NAA30: variants seen among roughly 807,000 people sequenced by gnomAD.
The protein encoded by NAA30 is N-alpha-acetyltransferase 30, NatC catalytic subunit.
Under a neutral mutation model 31.4 loss-of-function variants are expected in NAA30, and 5 were observed. That is an observed-to-expected ratio of 0.16 (90% CI 0.08 to 0.33). The LOEUF is 0.33. Among genes scored for constraint, NAA30 ranks in the 10% least tolerant of loss-of-function variants. The pLI, the probability that NAA30 is intolerant of heterozygous loss-of-function variation, is 1.00. For synonymous variants in NAA30, 222 were observed against 207.1 expected, an observed-to-expected ratio of 1.07 and a Z score of -0.62; for missense variants, 428 against 490.8, an observed-to-expected ratio of 0.87 and a Z score of 1.21.
intron 3 of NAA30, among the ~76,000 whole-genome samples, chr14:57,398,628 AT>A (rs913012637): frequency 9.7e-5 from 9 of 92,520 alleles, no homozygotes; most frequent in Admixed American, 4.8e-4. Context: ...CAGCTGATTT[AT>A]TTTTTTTATT....
chr14:57,402,463 ATCCC>A (rs1269310375), intron 4 of NAA30, among the ~76,000 whole-genome samples: 1 of 151,806 alleles, frequency 6.6e-6, no homozygotes, highest in Non-Finnish European at 1.5e-5. Flanking sequence ...GATGTTTGTA[ATCCC>A]TCTCTCTCTT....
At chr14:57,396,722 A>ATTCT (rs780207763) in intron 2 of NAA30, 30 bp from the exon 3 acceptor site, 2 of 1,612,724 alleles carry the variant, frequency 1.2e-6, no homozygotes, top group South Asian at 2.2e-5. Context: ...ATGGCAATGT[A>ATTCT]TTCTTCATAA....
At chr14:57,395,431 T>C (rs2066446658) in intron 2 of NAA30, among the ~76,000 whole-genome samples, 1 of 152,248 alleles carries the variant, frequency 6.6e-6, no homozygotes, top group Admixed American at 6.5e-5. Flanking sequence ...ATTTCTGCTT[T>C]TGTTGAAATA....
chr14:57,391,810 CAGTGGATATCTCCTGCTGCGTATCAT>C lies in NAA30; in HGVS notation c.771+86_771+111del. The C allele has an allele frequency of 9.6e-7, 1 of 1,040,442 alleles. No individual in the cohort carries two copies. The highest frequency in any genetic ancestry group is 2.4e-5 in the East Asian group (1 of 41,892). The allele number at this position is 1,040,442 out of a possible 1,614,324, so 64.5% of individuals were successfully genotyped here. The stretch of plus-strand genomic sequence containing the variant: ...CAGGGAGTGAGGGCCCAGAATGTGG[CAGTGGATATCTCCTGCTGCGTATCAT>C]AGTACGTTATATGATGTCAAGTGCT... On this transcript the variant is annotated intron_variant, in intron 2 of 4. Transcript: ENST00000556492. This position sits in a 1 kb window ranked among gnomAD's most constrained non-coding sequence, Gnocchi z 4.1.
intron 4 of NAA30, among the ~76,000 whole-genome samples, chr14:57,404,459 G>A (rs181543865): frequency 2.0e-5 from 3 of 152,224 alleles, no homozygotes; most frequent in African/African-American, 4.8e-5. Context: ...TGAAAATCAC[G>A]TCATCTAATT....
At chr14:57,409,093 A>AAAT (rs1160849518) in intron 4 of NAA30, among the ~76,000 whole-genome samples, 1 of 152,144 alleles carries the variant, frequency 6.6e-6, no homozygotes, top group Non-Finnish European at 1.5e-5. Flanking sequence ...CCCCACAGGG[A>AAAT]AATAATTAAT....
intron 2 of NAA30, among the ~76,000 whole-genome samples, chr14:57,394,849 A>G (rs1322782166): frequency 6.6e-6 from 1 of 152,122 alleles, no homozygotes; most frequent in Non-Finnish European, 1.5e-5. Context: ...AGGTGTAGCT[A>G]TTCTGAGGTT....
At chr14:57,398,837 A>G (rs145663190) in intron 3 of NAA30, among the ~76,000 whole-genome samples, 1 of 152,060 alleles carries the variant, frequency 6.6e-6, no homozygotes, top group African/African-American at 2.4e-5. Context: ...GGGTTTCGTC[A>G]TGTTGGCCAG....
At chr14:57,399,143 G>A (rs1012356737) in intron 3 of NAA30, among the ~76,000 whole-genome samples, 27 of 152,348 alleles carry the variant, frequency 1.8e-4, no homozygotes, top group African/African-American at 6.0e-4. Flanking sequence ...GATTACAGGC[G>A]TGAACCACTG....
Position 57,409,417 on chromosome 14 carries a change from G to A in NAA30, c.990G>A (p.Leu330=), listed in dbSNP as rs1196526704. The A allele has an allele frequency of 1.9e-6, 3 of 1,610,182 alleles. No individual in the cohort carries two copies. The South Asian group carries it at 3.3e-5, about 18-fold the overall frequency. ...LETEITNKSA[L]KLYENLGFVR... ...CCGAAATAACAAATAAGTCCGCTTTGAAACTTTATGAAAATCTTGGTTTTG... is the reference window on the plus strand; with the variant it reads ...CCGAAATAACAAATAAGTCCGCTTTAAAACTTTATGAAAATCTTGGTTTTG... Residue 330 remains leucine, a synonymous_variant, in exon 5 of 5, where the codon TTG becomes TTA. Transcript: ENST00000556492.
chr14:57,393,989 G>A (rs927824060), intron 2 of NAA30, among the ~76,000 whole-genome samples: 6 of 151,768 alleles, frequency 4.0e-5, no homozygotes, highest in Non-Finnish European at 7.4e-5. Flanking sequence ...AAAATGTTCC[G>A]TTTTCCGTGG....
intron 4 of NAA30, among the ~76,000 whole-genome samples, chr14:57,400,224 G>T (rs1290405713): frequency 6.6e-6 from 1 of 152,196 alleles, no homozygotes; most frequent in African/African-American, 2.4e-5. Flanking sequence ...CTGACAATGG[G>T]AAACTGTCAG....
rs572034650 is a variant in NAA30 at position 57,413,083 on chromosome 14, T to C, written c.*3567T>C. On this transcript the variant is annotated 3_prime_UTR_variant, in exon 5 of 5. Transcript: ENST00000556492. ...AAGACAGTTTTTATTTTAATTTACTTTTTTGTCTGTACACTGCCACTCTGT... is the reference window on the plus strand; with the variant it reads ...AAGACAGTTTTTATTTTAATTTACTCTTTTGTCTGTACACTGCCACTCTGT... The C allele has an allele frequency of 1.3e-5, 2 of 152,338 alleles. No individual in the cohort carries two copies. Among genetic ancestry groups the C allele is most frequent in the South Asian group, 2.1e-4 (1 of 4,830 alleles). The allele number at this position is 152,338 out of a possible 1,614,324, so 9.4% of individuals were successfully genotyped here. A position where few individuals can be genotyped will look rare whatever the true frequency, so the allele number is the denominator to read the frequency against.
chr14:57,394,113 A>G (rs1393480286), intron 2 of NAA30, among the ~76,000 whole-genome samples: 2 of 141,126 alleles, frequency 1.4e-5, no homozygotes, highest in East Asian at 4.6e-4. Context: ...AAAGATGTAA[A>G]AAAAAAAAAA....
intron 4 of NAA30, among the ~76,000 whole-genome samples, chr14:57,404,318 TCACACA>T (rs377631674): frequency 6.6e-6 from 1 of 151,124 alleles, no homozygotes; most frequent in South Asian, 2.1e-4. Flanking sequence ...CAAGACTCCA[TCACACA>T]CACACACACA....
At chr14:57,408,925 T>C (rs1217116146) in intron 4 of NAA30, among the ~76,000 whole-genome samples, 1 of 152,204 alleles carries the variant, frequency 6.6e-6, no homozygotes, top group Non-Finnish European at 1.5e-5. Flanking sequence ...CAGACAAATA[T>C]GGTAGTTATT....
chr14:57,408,330 G>C (rs1458649110), intron 4 of NAA30, among the ~76,000 whole-genome samples: 1 of 152,212 alleles, frequency 6.6e-6, no homozygotes, highest in Non-Finnish European at 1.5e-5. Flanking sequence ...AGCTACGTGT[G>C]TAAAAGTTGG....
rs996576322 is a variant in NAA30, at chr14:57,391,017, G to A, written c.60G>A (p.Pro20=). 5.3e-6 allele frequency: 8 copies of A among 1,496,516 alleles called. No individual in the cohort carries two copies. The highest frequency in any genetic ancestry group is 1.5e-5 in the African/African-American group (1 of 68,330). The allele number at this position is 1,496,516 out of a possible 1,614,324, so 92.7% of individuals were successfully genotyped here. ...SLLPPPAPPA[P]AAVEPRCPFP... ...TCCCACCACCAGCACCTCCGGCCCC[G>A]GCGGCGGTCGAGCCCCGCTGTCCCT... Residue 20 remains proline (P), a synonymous_variant, in exon 2 of 5, where the codon CCG becomes CCA. Coordinates refer to ENST00000556492, the MANE Select transcript of NAA30 (RefSeq NM_001011713.3). This position sits in a 1 kb window ranked among gnomAD's most constrained non-coding sequence, Gnocchi z 4.1.
At chr14:57,394,008 T>C (rs1047997063) in intron 2 of NAA30, among the ~76,000 whole-genome samples, 1 of 151,902 alleles carries the variant, frequency 6.6e-6, no homozygotes, top group African/African-American at 2.4e-5. Flanking sequence ...GGATAACCTG[T>C]AATGGGTCAA....
Sources: gnomAD v4.1 joint callset for allele counts (sites outside exome capture counted in the v4.1 genomes callset) on GRCh38, gnomAD v4.1.1 for gene constraint, Gnocchi (gnomAD v3.1) non-coding constraint, MANE v1.5 for transcripts, NCBI Gene and HGNC (gene_info 2026-07-23, HGNC 2026-07-21) for gene names.